Variants in ANO2 observed in about 807,000 individuals in gnomAD.
The protein encoded by ANO2 is anoctamin-2.
ANO2 carries 101 observed loss-of-function variants against 124.2 expected under a neutral mutation model. That is an observed-to-expected ratio of 0.81 (90% CI 0.69 to 0.96). ANO2 has a LOEUF of 0.96. Ranked by LOEUF, ANO2 falls within the 40% of genes least tolerant of loss-of-function variation. ANO2 has a pLI of 0.00. For synonymous variants in ANO2, 486 were observed against 482.5 expected (o/e 1.01, Z -0.09); for missense variants, 1,293 against 1,274.5 (o/e 1.01, Z -0.22).
intron 20 of ANO2, among the ~76,000 whole-genome samples, chr12:5,598,082 A>G (rs1433463160): frequency 6.6e-6 from 1 of 152,166 alleles, no homozygotes; most frequent in Non-Finnish European, 1.5e-5. Context: ...GACCCTGCCC[A>G]TTACTCCACT....
intron 11 of ANO2, among the ~76,000 whole-genome samples, chr12:5,749,532 T>G (rs993029116): frequency 6.6e-5 from 10 of 152,246 alleles, no homozygotes; most frequent in Admixed American, 5.2e-4. Flanking sequence ...GAGTCCCTAT[T>G]CCAGTGCTCC....
chr12:5,762,815 T>A (rs182365179), intron 10 of ANO2, among the ~76,000 whole-genome samples: 31 of 150,242 alleles, frequency 2.1e-4, no homozygotes, highest in African/African-American at 6.6e-4. Flanking sequence ...TTTCTTGGAG[T>A]ATTGATAAGA....
intron 6 of ANO2, among the ~76,000 whole-genome samples, chr12:5,828,992 G>A (rs564272407): frequency 3.9e-5 from 6 of 152,328 alleles, no homozygotes; most frequent in African/African-American, 1.4e-4. Flanking sequence ...TCTCAATGTG[G>A]GGTGGACTGA....
At position 5,921,833 on chromosome 12, in the gene ANO2, G is replaced by A. The variant is rs575235054; in HGVS notation, c.208-467C>T. 1.6e-4 allele frequency among the ~76,000 whole-genome samples: 25 copies of A among 152,138 alleles called. No homozygotes were observed. In the South Asian group the frequency reaches 3.3e-3, roughly 20 times the overall value. ...TGTACACGCGTATCTACCCGAGTGCGCTCTAACACACACACCCCCTTCCAC... is the reference window on the plus strand; with the variant it reads ...TGTACACGCGTATCTACCCGAGTGCACTCTAACACACACACCCCCTTCCAC... On this transcript the variant is annotated intron_variant, in intron 2 of 24. Coordinates refer to ENST00000682330, the MANE Select transcript of ANO2 (RefSeq NM_001364791.2).
At chr12:5,928,451 G>A (rs201604473) in intron 1 of ANO2, among the ~76,000 whole-genome samples, 49 of 56,702 alleles carry the variant, frequency 8.6e-4, no homozygotes, top group South Asian at 2.3e-3. Flanking sequence ...TCCTTCCTCC[G>A]TAGTCTACTT....
chr12:5,611,727 C>G (rs1329877617), intron 19 of ANO2, among the ~76,000 whole-genome samples: 1 of 152,190 alleles, frequency 6.6e-6, no homozygotes, highest in Non-Finnish European at 1.5e-5. Context: ...TGGAGGACTT[C>G]TCAAAACAAT....
intron 9 of ANO2, among the ~76,000 whole-genome samples, chr12:5,801,927 T>C (rs559310531): frequency 4.7e-4 from 72 of 152,332 alleles, no homozygotes; most frequent in African/African-American, 1.7e-3. Context: ...CTGGTTGTCA[T>C]AGTGACATCA....
intron 14 of ANO2, among the ~76,000 whole-genome samples, chr12:5,688,037 A>G (rs1313418111): frequency 6.6e-6 from 1 of 152,216 alleles, no homozygotes; most frequent in Non-Finnish European, 1.5e-5. Context: ...GACCATTGAA[A>G]AATTGTATTA....
intron 20 of ANO2, among the ~76,000 whole-genome samples, chr12:5,593,793 T>C (rs1397926719): frequency 6.6e-6 from 1 of 152,184 alleles, no homozygotes; most frequent in Non-Finnish European, 1.5e-5. Context: ...TGGCTGACTT[T>C]AAGCCTCAAA....
chr12:5,945,340 C>T (rs1222310217), upstream of ANO2: 4 of 968,952 alleles, frequency 4.1e-6, no homozygotes, highest in Non-Finnish European at 5.0e-6. Flanking sequence ...CCGGCTGCCG[C>T]CTCCTCCTCC....
At chr12:5,731,360 C>G (rs574720854) in intron 14 of ANO2, among the ~76,000 whole-genome samples, 3 of 141,268 alleles carry the variant, frequency 2.1e-5, no homozygotes, top group East Asian at 4.0e-4. Flanking sequence ...GTTCTGTTTT[C>G]TTAAAAAAAA....
chr12:5,646,564 A>T, intron 15 of ANO2, among the ~76,000 whole-genome samples: 1 of 152,202 alleles, frequency 6.6e-6, no homozygotes, highest in East Asian at 1.9e-4. Flanking sequence ...GACTCATTAA[A>T]TATTGAATGA....
rs376237996 is a variant in ANO2 at position 5,872,651 on chromosome 12, A to G, written c.535-18510T>C. Among the ~76,000 whole-genome samples, 32 of 152,144 alleles carry G rather than the reference A, an allele frequency of 2.1e-4. 1 individual carries two copies. In the East Asian group the frequency reaches 6.0e-3, roughly 28 times the overall value. ...AATTACATCTTAATTTTTTTTAAAT[A>G]TGCTACCTGGACCTCCATTTCAGCC... On this transcript the variant is annotated intron_variant, in intron 3 of 24. Transcript: ENST00000682330.
intron 14 of ANO2, among the ~76,000 whole-genome samples, chr12:5,705,748 T>C (rs1355943341): frequency 6.6e-6 from 1 of 152,244 alleles, no homozygotes; most frequent in Non-Finnish European, 1.5e-5. Flanking sequence ...TCTTAAATCC[T>C]GATGTTTTTG....
chr12:5,709,518 A>T (rs1014082817), intron 14 of ANO2, among the ~76,000 whole-genome samples: 1 of 152,212 alleles, frequency 6.6e-6, no homozygotes, highest in African/African-American at 2.4e-5. Flanking sequence ...AAAGAAATCA[A>T]ATCCTGGACT....
At chr12:5,686,948 T>A (rs1354483302) in intron 14 of ANO2, among the ~76,000 whole-genome samples, 1 of 152,074 alleles carries the variant, frequency 6.6e-6, no homozygotes, top group Non-Finnish European at 1.5e-5. Flanking sequence ...ACAGCAAAGG[T>A]GAAAGATCTC....
Position 5,744,272 on chromosome 12 carries a change from C to A in ANO2, c.1236G>T (p.Leu412=). The A allele has an allele frequency of 6.2e-7, 1 of 1,613,984 alleles. No individual in the cohort carries two copies. The highest frequency in any genetic ancestry group is 1.3e-5 in the African/African-American group (1 of 75,056). The part of the protein sequence containing the change: ...DQQNAFTMCP[L]CDKSCDYWNL... ...TCCAGTAATCACAGGACTTGTCACA[C>A]AGGGGACACATGGTGAAGGCATTCT... Residue 412 remains leucine, a synonymous_variant, in exon 12 of 25, where the codon CTG becomes CTT. Transcript: ENST00000682330.
chr12:5,573,378 T>C (rs1169924176), intron 23 of ANO2, among the ~76,000 whole-genome samples: 1 of 152,140 alleles, frequency 6.6e-6, no homozygotes, highest in Admixed American at 6.5e-5. Context: ...AAACAGACGA[T>C]GTGAGCCTGG....
chr12:5,695,428 C>G (rs1949127690), intron 14 of ANO2, among the ~76,000 whole-genome samples: 1 of 148,540 alleles, frequency 6.7e-6, no homozygotes, highest in African/African-American at 2.5e-5. Context: ...TCAAAAGTAC[C>G]AAAAAAATCA....
Sources: gnomAD v4.1 joint callset for allele counts (sites outside exome capture counted in the v4.1 genomes callset) on GRCh38, gnomAD v4.1.1 for gene constraint, MANE v1.5 for transcripts, NCBI Gene and HGNC (gene_info 2026-07-23, HGNC 2026-07-21) for gene names.